COP1: variants seen among roughly 807,000 people sequenced by gnomAD.
The protein encoded by COP1 is COP1 E3 ubiquitin ligase.
Under a neutral mutation model 101.3 loss-of-function variants are expected in COP1, and 24 were observed. The observed-to-expected ratio is 0.24, with a 90% CI of 0.17 to 0.33. The LOEUF is 0.33. Ranked by LOEUF, COP1 falls within the 10% of genes least tolerant of loss-of-function variation. The pLI, the probability that COP1 is intolerant of heterozygous loss-of-function variation, is 1.00. For synonymous variants in COP1, 347 were observed against 341.9 expected, an observed-to-expected ratio of 1.01 and a Z score of -0.17; for missense variants, 663 against 906.2, an observed-to-expected ratio of 0.73 and a Z score of 3.45.
intron 14 of COP1, among the ~76,000 whole-genome samples, chr1:176,036,816 C>T (rs563626840): frequency 6.6e-6 from 1 of 152,256 alleles, no homozygotes; most frequent in East Asian, 1.9e-4. Flanking sequence ...TTAGGCTAAG[C>T]TACGATTAGA....
At chr1:176,034,103 T>A (rs951870095) in intron 14 of COP1, among the ~76,000 whole-genome samples, 3 of 152,138 alleles carry the variant, frequency 2.0e-5, no homozygotes, top group African/African-American at 7.2e-5. Context: ...AAAGCAACTA[T>A]ATGAGGAAAC....
chr1:176,006,859 G>A (rs1663373740), intron 15 of COP1, among the ~76,000 whole-genome samples: 1 of 151,856 alleles, frequency 6.6e-6, no homozygotes, highest in South Asian at 2.1e-4. Flanking sequence ...GTATCTTTGT[G>A]GCGTTCTCTG....
At chr1:176,021,984 C>T (rs1348392149) in intron 15 of COP1, among the ~76,000 whole-genome samples, 1 of 152,088 alleles carries the variant, frequency 6.6e-6, no homozygotes, top group Non-Finnish European at 1.5e-5. Flanking sequence ...GCTTTTCTAT[C>T]ATAGAAAGAT....
intron 15 of COP1, among the ~76,000 whole-genome samples, chr1:175,992,701 C>A (rs1375993782): frequency 6.6e-6 from 1 of 152,208 alleles, no homozygotes; most frequent in Non-Finnish European, 1.5e-5. Context: ...GGGAGGGGCA[C>A]CTGCCATTGC....
At chr1:176,006,759 T>C (rs915691578) in intron 15 of COP1, among the ~76,000 whole-genome samples, 1 of 152,176 alleles carries the variant, frequency 6.6e-6, no homozygotes, top group African/African-American at 2.4e-5. Flanking sequence ...TAACCCGACC[T>C]TTCTCTCTGG....
Position 176,116,679 on chromosome 1 carries a change from C to T in COP1, c.971G>A (p.Ser324Asn). 6.2e-7 allele frequency: 1 copy of T among 1,604,144 alleles called. No individual in the cohort carries two copies. ...GCTGTATTCTGTGGAATCAATAATA[C>T]TACTGCAAAATGAAGAGAAAAAAAT... ...QFEAPSPSHS[S>N]IIDSTEYSQP... is the part of the protein sequence containing the mutation. Residue 324 changes from serine (S) to asparagine (N), a missense_variant and splice_region_variant, in exon 9 of 20, where the codon AGT becomes AAT. This residue lies in a region of COP1 where 212 missense variants were observed against 240.7 expected (regional missense o/e 0.88). Transcript: ENST00000367669.
chr1:176,000,719 T>G (rs1661397126), intron 15 of COP1, among the ~76,000 whole-genome samples: 1 of 151,988 alleles, frequency 6.6e-6, no homozygotes, highest in Admixed American at 6.6e-5. Flanking sequence ...AATTTTTACA[T>G]GCAATGTTGC....
chr1:176,060,380 C>G (rs938383901), intron 11 of COP1, among the ~76,000 whole-genome samples: 2 of 152,102 alleles, frequency 1.3e-5, no homozygotes, highest in African/African-American at 4.8e-5. Context: ...AGAACAACAT[C>G]TAGTAGAGAA....
intron 15 of COP1, among the ~76,000 whole-genome samples, chr1:176,016,372 T>C (rs1044923333): frequency 6.6e-6 from 1 of 152,134 alleles, no homozygotes; most frequent in Non-Finnish European, 1.5e-5. Context: ...GAGGAAAGTT[T>C]TTCCAGAAGT....
chr1:176,101,907 C>T (rs1306627512), intron 9 of COP1, among the ~76,000 whole-genome samples: 2 of 152,154 alleles, frequency 1.3e-5, no homozygotes, highest in Non-Finnish European at 2.9e-5. Context: ...GATTAATCTT[C>T]CTCCTTATCC....
rs760330918 is a variant in COP1 at position 176,191,003 on chromosome 1, C to T, written c.408-6311G>A. Among the ~76,000 whole-genome samples the T allele has an allele frequency of 5.6e-4, 85 of 152,014 alleles. 1 individual carries two copies. Among genetic ancestry groups the T allele is most frequent in the Non-Finnish European group, 1.9e-4 (13 of 67,920 alleles). Reference sequence around the variant, plus strand: ...AAAAACAAGCAGTAGTTACACCTCACATAAACAGGACTGCAGAAACACTTT... The same window carrying T: ...AAAAACAAGCAGTAGTTACACCTCATATAAACAGGACTGCAGAAACACTTT... On this transcript the variant is annotated intron_variant, in intron 1 of 19. Coordinates refer to ENST00000367669, the MANE Select transcript of COP1 (RefSeq NM_022457.7).
At chr1:176,157,003 G>A (rs1280902216) in intron 5 of COP1, among the ~76,000 whole-genome samples, 4 of 152,058 alleles carry the variant, frequency 2.6e-5, no homozygotes, top group Admixed American at 6.6e-5. Flanking sequence ...TTCGAGACCA[G>A]CCTGGTCAAC....
intron 10 of COP1, among the ~76,000 whole-genome samples, chr1:176,082,799 C>T (rs1309661155): frequency 3.3e-5 from 5 of 150,708 alleles, no homozygotes; most frequent in Middle Eastern, 3.4e-3. Context: ...GAGCAAAACT[C>T]CATCTCAAAA....
intron 8 of COP1, among the ~76,000 whole-genome samples, chr1:176,118,711 C>T (rs377492658): frequency 5.3e-5 from 8 of 152,188 alleles, no homozygotes; most frequent in Middle Eastern, 6.8e-3. Flanking sequence ...AGCTATGCAT[C>T]GCTGCATTCC....
chr1:176,002,603 A>G (rs6688927), intron 15 of COP1, among the ~76,000 whole-genome samples: 139,157 of 142,210 alleles, frequency 0.98, 68,134 homozygotes, highest in East Asian at 1. Context: ...GAGAATATGC[A>G]GTGTTTGGTT....
At chr1:176,117,000 T>G (rs142093138) in intron 8 of COP1, among the ~76,000 whole-genome samples, 36 of 152,304 alleles carry the variant, frequency 2.4e-4, no homozygotes, top group Non-Finnish European at 4.6e-4. Flanking sequence ...TTGGAGAACT[T>G]TAAGGAAAAG....
chr1:176,101,561 G>A (rs1683406423), intron 9 of COP1, among the ~76,000 whole-genome samples: 2 of 152,082 alleles, frequency 1.3e-5, no homozygotes, highest in South Asian at 4.1e-4. Flanking sequence ...TTAGGATTGG[G>A]CTCAGGGGAA....
intron 18 of COP1, among the ~76,000 whole-genome samples, chr1:175,958,230 A>G (rs571045339): frequency 1.3e-5 from 2 of 152,182 alleles, no homozygotes; most frequent in East Asian, 3.9e-4. Flanking sequence ...AAGAACAAAT[A>G]CGTATTTTAT....
At chr1:176,103,125 C>T (rs1347772045) in intron 9 of COP1, among the ~76,000 whole-genome samples, 1 of 152,166 alleles carries the variant, frequency 6.6e-6, no homozygotes, top group African/African-American at 2.4e-5. Context: ...GGAAGGGGAA[C>T]CCATTAGGGT....
Sources: allele counts gnomAD v4.1 joint callset (sites outside exome capture counted in the v4.1 genomes callset), GRCh38; gene constraint gnomAD v4.1.1; regional missense constraint gnomAD v4.1.1; transcripts MANE v1.5; gene names NCBI Gene and HGNC (gene_info 2026-07-23, HGNC 2026-07-21).